The following CSMD3 variants were observed in gnomAD, a reference collection of about 807,000 sequenced individuals.
CSMD3 encodes the protein CUB and Sushi multiple domains 3.
A neutral mutation model predicts 435.2 loss-of-function variants in CSMD3; 177 were observed. That is an observed-to-expected ratio of 0.41 (90% confidence interval 0.36 to 0.46). The LOEUF (loss-of-function observed/expected upper bound fraction) is 0.46, where lower values mean the gene tolerates loss of function less well. Among genes scored for constraint, CSMD3 ranks in the 20% least tolerant of loss-of-function variants. The pLI is 0.34. For synonymous variants in CSMD3, 1,656 were observed against 1,520.5 expected (o/e 1.09, Z -2.07); for missense variants, 4,265 against 4,504.6 (o/e 0.95, Z 1.52).
rs138210334 is a variant in CSMD3 at position 112,967,099 on chromosome 8, T to A, written c.1342+8738A>T. ...CAACTCCAATTCCATCAAGTCATGA[T>A]CTGCATTTGAACAAGACTACTAGAT... On this transcript the variant is annotated intron_variant, in intron 7 of 70. Transcript: ENST00000297405. Among the ~76,000 whole-genome samples, 243 of 151,970 alleles carry A rather than the reference T, an allele frequency of 1.6e-3. 2 individuals are homozygous for A. The highest frequency in any genetic ancestry group is 3.2e-4 in the Non-Finnish European group (22 of 67,834).
At chr8:112,287,776 A>G (rs1476658946) in intron 57 of CSMD3, among the ~76,000 whole-genome samples, 1 of 152,150 alleles carries the variant, frequency 6.6e-6, no homozygotes, top group African/African-American at 2.4e-5. Flanking sequence ...CCAATGACCA[A>G]TGATCAAAGA....
At chr8:112,744,300 T>C (rs2077379443) in intron 13 of CSMD3, among the ~76,000 whole-genome samples, 1 of 152,096 alleles carries the variant, frequency 6.6e-6, no homozygotes, top group Non-Finnish European at 1.5e-5. Context: ...GAATGATGCC[T>C]TACTCTCAAA....
At chr8:112,422,146 C>T (rs184204124) in intron 32 of CSMD3, among the ~76,000 whole-genome samples, 42 of 151,856 alleles carry the variant, frequency 2.8e-4, no homozygotes, top group African/African-American at 9.4e-4. Flanking sequence ...AGGTCAAACA[C>T]AACAATTAAG....
chr8:113,209,014 A>AT (rs2092802525), intron 3 of CSMD3, among the ~76,000 whole-genome samples: 1 of 152,186 alleles, frequency 6.6e-6, no homozygotes, highest in African/African-American at 2.4e-5. Context: ...ATAAAAGATC[A>AT]TGAATAAGCA....
chr8:112,894,580 T>C (rs1246279147), intron 10 of CSMD3, among the ~76,000 whole-genome samples: 1 of 151,386 alleles, frequency 6.6e-6, no homozygotes, highest in Non-Finnish European at 1.5e-5. Context: ...CAGAGTACTG[T>C]GAAAATAAGA....
intron 67 of CSMD3, among the ~76,000 whole-genome samples, chr8:112,236,365 G>A (rs2129975893): frequency 6.6e-6 from 1 of 152,038 alleles, no homozygotes; most frequent in East Asian, 1.9e-4. Context: ...TATTTATTGA[G>A]GCCTATTTTG....
intron 49 of CSMD3, 45 bp from the exon 50 acceptor site, chr8:112,311,211 A>C: frequency 6.6e-7 from 1 of 1,507,432 alleles, no homozygotes; most frequent in Non-Finnish European, 9.2e-7. Flanking sequence ...ATGAATCAGA[A>C]GTTATTACCC....
rs180765426 is a variant in CSMD3 at position 112,566,437 on chromosome 8, C to T, written c.4042+7064G>A. On this transcript the variant is annotated intron_variant, in intron 24 of 70. Coordinates refer to ENST00000297405, the MANE Select transcript of CSMD3 (RefSeq NM_198123.2). ...TGATAATGACCAAAGTCTCTATGTGCCTTTTAAATAAAATCCAAGCCCGTA... is the reference window on the plus strand; with the variant it reads ...TGATAATGACCAAAGTCTCTATGTGTCTTTTAAATAAAATCCAAGCCCGTA... 3.9e-5 allele frequency among the ~76,000 whole-genome samples: 6 copies of T among 152,056 alleles called. No individual in the cohort carries two copies. The East Asian group carries it at 1.2e-3, about 30-fold the overall frequency.
intron 4 of CSMD3, among the ~76,000 whole-genome samples, chr8:113,157,520 C>T (rs1286665474): frequency 6.6e-6 from 1 of 151,918 alleles, no homozygotes; most frequent in South Asian, 2.1e-4. Context: ...TCATGTGATA[C>T]AGCTTGCCAA....
chr8:112,590,271 G>C (rs1212411307), intron 22 of CSMD3, among the ~76,000 whole-genome samples: 2 of 152,062 alleles, frequency 1.3e-5, no homozygotes, highest in Admixed American at 1.3e-4. Context: ...TAAAAATATA[G>C]TATGTGAAAG....
rs1298298841 is a variant in CSMD3, at chr8:113,275,287, T to C, written c.514+3305A>G. ...CTTTGCAGTATACCAGTTGAACAAA[T>C]ATCTTTCTTAGCTTTTATTATACAC... On this transcript the variant is annotated intron_variant, in intron 3 of 70. Coordinates refer to ENST00000297405, the MANE Select transcript of CSMD3 (RefSeq NM_198123.2). 2.0e-5 allele frequency among the ~76,000 whole-genome samples: 3 copies of C among 152,222 alleles called. No individual in the cohort carries two copies. In the East Asian group the frequency reaches 5.8e-4, roughly 29 times the overall value.
At chr8:113,432,773 C>T (rs1276327680) in intron 1 of CSMD3, among the ~76,000 whole-genome samples, 1 of 152,228 alleles carries the variant, frequency 6.6e-6, no homozygotes, top group Non-Finnish European at 1.5e-5. Context: ...ACTTCTACTT[C>T]ATCGTGACAG....
chr8:113,044,039 T>G (rs978701798), intron 5 of CSMD3, among the ~76,000 whole-genome samples: 1 of 152,066 alleles, frequency 6.6e-6, no homozygotes, highest in African/African-American at 2.4e-5. Flanking sequence ...GTCAATGGTT[T>G]TATAAATCAA....
At chr8:112,904,436 A>T (rs2082198052) in intron 10 of CSMD3, among the ~76,000 whole-genome samples, 1 of 151,458 alleles carries the variant, frequency 6.6e-6, no homozygotes, top group Non-Finnish European at 1.5e-5. Context: ...TACATTTGAA[A>T]AAAGGTTTAA....
chr8:113,314,659 T>C lies in CSMD3; in HGVS notation c.313A>G (p.Ile105Val). 2 of 1,611,232 alleles carry C rather than the reference T, an allele frequency of 1.2e-6. No homozygotes were observed. The highest frequency in any genetic ancestry group is 1.7e-6 in the Non-Finnish European group (2 of 1,177,608). The change falls in exon 2 of 71, where the codon ATT becomes GTT. Residue 105 changes from isoleucine (I) to valine (V), a missense_variant. Ile to Val is a conservative substitution (Grantham distance 29). This residue lies in a region of CSMD3 where 731 missense variants were observed against 755.4 expected (regional missense o/e 0.97). Transcript: ENST00000297405. ...IIAEERNRIQ[I>V]VFQSFALEEE... ...TCTAGAGCAAATGACTGAAAAACAA[T>C]TTGTATTCTATTTCGTTCTTCTGCT...
intron 13 of CSMD3, among the ~76,000 whole-genome samples, chr8:112,771,730 G>C (rs1047804090): frequency 6.6e-6 from 1 of 151,872 alleles, no homozygotes; most frequent in African/African-American, 2.4e-5. Flanking sequence ...AAACAACAAT[G>C]TGTCTTATCC....
intron 11 of CSMD3, among the ~76,000 whole-genome samples, chr8:112,840,509 T>C (rs976963242): frequency 8.6e-5 from 13 of 151,716 alleles, no homozygotes; most frequent in African/African-American, 3.1e-4. Flanking sequence ...AACAATGTAG[T>C]GTATATTCCA....
At chr8:112,247,743 G>A (rs770977074) in intron 63 of CSMD3, among the ~76,000 whole-genome samples, 9 of 152,074 alleles carry the variant, frequency 5.9e-5, no homozygotes, top group Non-Finnish European at 1.2e-4. Context: ...CTAGGAATTT[G>A]TTAAAAATGT....
intron 4 of CSMD3, among the ~76,000 whole-genome samples, chr8:113,136,703 T>C (rs1186659743): frequency 1.3e-5 from 2 of 151,694 alleles, no homozygotes; most frequent in Non-Finnish European, 2.9e-5. Context: ...ATTTACTATT[T>C]TCAGGTATGT....
Sources: gnomAD v4.1 joint callset for allele counts (sites outside exome capture counted in the v4.1 genomes callset) on GRCh38, gnomAD v4.1.1 for gene constraint, gnomAD v4.1.1 regional missense constraint, MANE v1.5 for transcripts, NCBI Gene and HGNC (gene_info 2026-07-23, HGNC 2026-07-21) for gene names.